The following UBE2O variants were observed in gnomAD, a reference collection of about 807,000 sequenced individuals.
UBE2O encodes the protein (E3-independent) E2 ubiquitin-conjugating enzyme.
Under a neutral mutation model 125.8 loss-of-function variants are expected in UBE2O, and 15 were observed. The ratio of observed to expected loss-of-function variants is 0.12; its 90% CI spans 0.08 to 0.18. The LOEUF is 0.18. Among genes scored for constraint, UBE2O ranks in the 10% least tolerant of loss-of-function variants. The pLI is 1.00. For synonymous variants in UBE2O, 708 were observed against 703.2 expected (o/e 1.01, Z -0.11); for missense variants, 1,280 against 1,723.6 (o/e 0.74, Z 4.56).
intron 1 of UBE2O, among the ~76,000 whole-genome samples, chr17:76,450,620 T>G (rs530424899): frequency 1.3e-5 from 2 of 151,406 alleles, no homozygotes; most frequent in Non-Finnish European, 2.9e-5. Context: ...AAGTTGTTGT[T>G]TTTTTTTTCT....
intron 1 of UBE2O, among the ~76,000 whole-genome samples, chr17:76,420,628 C>T (rs996342902): frequency 4.6e-5 from 7 of 152,138 alleles, no homozygotes; most frequent in Middle Eastern, 3.2e-3. Flanking sequence ...TACATCTTTG[C>T]GAGACAAACT....
rs548068347 is a variant in UBE2O at position 76,410,901 on chromosome 17, C to T, written c.418-5329G>A. Among the ~76,000 whole-genome samples, 37 of 152,346 alleles carry T rather than the reference C, an allele frequency of 2.4e-4. No individual in the cohort carries two copies. Among genetic ancestry groups the T allele is most frequent in the African/African-American group, 7.5e-4 (31 of 41,588 alleles). On this transcript the variant is annotated intron_variant, in intron 1 of 17. Coordinates refer to ENST00000319380, the MANE Select transcript of UBE2O (RefSeq NM_022066.4). The surrounding 1 kb of genome is among the most constrained non-coding windows in gnomAD (Gnocchi z 4.0). ...CTGGTCCAGACTCTCATTCATAACA[C>T]TGACCTTGACTGACCAGGTGGAATC... is the stretch of plus-strand genomic sequence containing the variant.
At chr17:76,434,732 G>A (rs1193754315) in intron 1 of UBE2O, among the ~76,000 whole-genome samples, 1 of 149,442 alleles carries the variant, frequency 6.7e-6, no homozygotes, top group Non-Finnish European at 1.5e-5. Context: ...GAGTGAAGTC[G>A]AAAGGCACCT....
chr17:76,409,473 T>G (rs144767720), intron 1 of UBE2O, among the ~76,000 whole-genome samples: 1,884 of 152,054 alleles, frequency 0.012, 24 homozygotes, highest in African/African-American at 0.043. Flanking sequence ...CTCAGCTCAC[T>G]GCAACCTCCG....
intron 1 of UBE2O, among the ~76,000 whole-genome samples, chr17:76,415,865 A>G (rs1381630612): frequency 1.3e-5 from 2 of 151,822 alleles, no homozygotes. Context: ...ATATATACAT[A>G]CATGTATATA....
intron 1 of UBE2O, among the ~76,000 whole-genome samples, chr17:76,412,061 G>A (rs1242999815): frequency 1.3e-5 from 2 of 152,162 alleles, no homozygotes; most frequent in Non-Finnish European, 2.9e-5. Flanking sequence ...TGCCCGCTGA[G>A]GCTTCACAGA....
chr17:76,399,830 T>C lies in UBE2O; in HGVS notation c.1247A>G (p.Asp416Gly), dbSNP rs2072285930. The stretch of plus-strand genomic sequence containing the variant: ...CTTGGTTTTGGATTCCCCCTTCTTG[T>C]CTGGGTCTTCCATGGAATGGTCCCG... ...CSRDHSMEDP[D>G]KKGESKTKSE... Residue 416 changes from aspartate to glycine, a missense_variant, in exon 9 of 18, where the codon GAC (aspartate) becomes GGC (glycine). Asp to Gly is a moderately conservative substitution (Grantham distance 94). This residue lies in a region of UBE2O where 141 missense variants were observed against 141.3 expected (regional missense o/e 1.00). Transcript: ENST00000319380. The surrounding 1 kb of genome is among the most constrained non-coding windows in gnomAD (Gnocchi z 6.9). 6.2e-7 allele frequency: 1 copy of C among 1,614,216 alleles called. No homozygotes were observed. The highest frequency in any genetic ancestry group is 1.3e-5 in the African/African-American group (1 of 75,066).
In UBE2O at chr17:76,402,675, C is replaced by A; in HGVS notation, c.613G>T (p.Ala205Ser). 1 of 1,614,150 alleles carries A rather than the reference C, an allele frequency of 6.2e-7. No individual in the cohort carries two copies. Among genetic ancestry groups the A allele is most frequent in the Admixed American group, 1.7e-5 (1 of 60,020 alleles). ...ACCTTCCCCAGCCAGCAGTCATAGGCAATGTAGTCCCCATACATGAAGGGC... is the reference window on the plus strand; with the variant it reads ...ACCTTCCCCAGCCAGCAGTCATAGGAAATGTAGTCCCCATACATGAAGGGC... ...IWPFMYGDYI[A>S]YDCWLGKVYD... The change falls in exon 4 of 18, where the codon GCC becomes TCC. Residue 205 changes from alanine (A) to serine (S), a missense_variant. Physicochemically the swap from Ala to Ser is moderately conservative, Grantham distance 99. This residue lies in a region of UBE2O where 206 missense variants were observed against 315.7 expected (regional missense o/e 0.65). Coordinates refer to ENST00000319380, the MANE Select transcript of UBE2O (RefSeq NM_022066.4). This position sits in a 1 kb window ranked among gnomAD's most constrained non-coding sequence, Gnocchi z 5.4.
rs2072204889 is a variant in UBE2O at position 76,396,155 on chromosome 17, C to A, written c.2782G>T (p.Val928Phe). The A allele has an allele frequency of 6.2e-7, 1 of 1,612,834 alleles. No individual in the cohort carries two copies. Among genetic ancestry groups the A allele is most frequent in the South Asian group, 1.1e-5 (1 of 90,926 alleles). ...GVTFTSAKGE[V>F]FSVLEFAPSN... ...GGTGCAAACTCCAGTACGGAGAAGA[C>A]CTCGCCCTTGGCGCTGGTGAAGGTG... Residue 928 changes from valine to phenylalanine, a missense_variant, in exon 14 of 18, where the codon GTC becomes TTC. Around this residue, in one of 10 missense-constraint regions of UBE2O, gnomAD observed 116 missense variants for 154.8 expected, o/e 0.75. Transcript: ENST00000319380. The surrounding 1 kb of genome is among the most constrained non-coding windows in gnomAD (Gnocchi z 6.7).
At position 76,424,347 on chromosome 17, in the gene UBE2O, T is replaced by C. The variant is rs915468373; in HGVS notation, c.418-18775A>G. ...TCTCAGCCTCCCCAGTAGCTGGGAT[T>C]ACAAGTGTGAGCCACCACACTCTGC... On this transcript the variant is annotated intron_variant, in intron 1 of 17. Transcript: ENST00000319380. 2.0e-5 allele frequency among the ~76,000 whole-genome samples: 3 copies of C among 151,486 alleles called. No homozygotes were observed. In the East Asian group the frequency reaches 5.9e-4, roughly 30 times the overall value.
intron 1 of UBE2O, among the ~76,000 whole-genome samples, chr17:76,447,474 A>T (rs2073169296): frequency 6.6e-6 from 1 of 152,208 alleles, no homozygotes. Flanking sequence ...CTTAAAATAT[A>T]AAGCAATACT....
intron 1 of UBE2O, among the ~76,000 whole-genome samples, chr17:76,411,864 G>T (rs761936362): frequency 6.6e-6 from 1 of 151,742 alleles, no homozygotes; most frequent in Non-Finnish European, 1.5e-5. Context: ...TATTTTTTTT[G>T]TAGAGACTGG....
In UBE2O at chr17:76,396,522, G is replaced by A. The variant is rs746518566; in HGVS notation, c.2415C>T (p.Asp805=). ...ACTCCCGGAAGCTCTTGGGTGGCCCGTCCTTGCCAGCCTTCTCCATCAGCC... is the reference window on the plus strand; with the variant it reads ...ACTCCCGGAAGCTCTTGGGTGGCCCATCCTTGCCAGCCTTCTCCATCAGCC... ...MAGLMEKAGK[D]GPPKSFRELK... Residue 805 remains aspartate, a synonymous_variant, in exon 14 of 18, where the codon GAC becomes GAT. Transcript: ENST00000319380. The surrounding 1 kb of genome is among the most constrained non-coding windows in gnomAD (Gnocchi z 6.7). The A allele has an allele frequency of 4.3e-5, 70 of 1,613,290 alleles. No individual in the cohort carries two copies. Among genetic ancestry groups the A allele is most frequent in the East Asian group, 8.9e-5 (4 of 44,878 alleles).
intron 1 of UBE2O, among the ~76,000 whole-genome samples, chr17:76,429,307 T>G (rs1045788699): frequency 3.3e-5 from 5 of 151,786 alleles, no homozygotes; most frequent in African/African-American, 9.7e-5. Context: ...TTTGTGAGGC[T>G]GAGGTGGGCA....
chr17:76,424,779 C>G (rs989704982), intron 1 of UBE2O, among the ~76,000 whole-genome samples: 3 of 151,470 alleles, frequency 2.0e-5, no homozygotes, highest in Non-Finnish European at 4.4e-5. Flanking sequence ...GATCGAGCCA[C>G]TGCACTCCAG....
Position 76,398,148 on chromosome 17 carries a change from G to T in UBE2O, c.2025+107C>A. 6.7e-7 allele frequency: 1 copy of T among 1,486,102 alleles called. No individual in the cohort carries two copies. The highest frequency in any genetic ancestry group is 9.3e-7 in the Non-Finnish European group (1 of 1,078,440). The allele number at this position is 1,486,102 out of a possible 1,614,324, so 92.1% of individuals were successfully genotyped here. A position where few individuals can be genotyped will look rare whatever the true frequency, so the allele number is the denominator to read the frequency against. On this transcript the variant is annotated intron_variant, in intron 12 of 17. Transcript: ENST00000319380. This position sits in a 1 kb window ranked among gnomAD's most constrained non-coding sequence, Gnocchi z 5.4. ...CCCTTCTGAGGACACTGAGCCCAGA[G>T]GACTTTCAGGTCTTGTCTCCTAGAG...
intron 15 of UBE2O, among the ~76,000 whole-genome samples, chr17:76,394,672 G>C (rs537587745): frequency 7.6e-4 from 116 of 152,136 alleles, no homozygotes; most frequent in Middle Eastern, 3.4e-3. Flanking sequence ...ATAAAAAAAA[G>C]GTCATCCGTT....
rs1429240912 is a variant in UBE2O at position 76,404,815 on chromosome 17, G to C, written c.588+391C>G. Among the ~76,000 whole-genome samples the C allele has an allele frequency of 2.0e-5, 3 of 152,120 alleles. 1 individual carries two copies. The East Asian group carries it at 5.8e-4, about 29-fold the overall frequency. Reference sequence around the variant, plus strand: ...AGGGAGGGAAGGTGATGGAGCAAACGAAGTGAAATCTTAACAGCTGAGGAA... The same window carrying C: ...AGGGAGGGAAGGTGATGGAGCAAACCAAGTGAAATCTTAACAGCTGAGGAA... On this transcript the variant is annotated intron_variant, in intron 3 of 17. Coordinates refer to ENST00000319380, the MANE Select transcript of UBE2O (RefSeq NM_022066.4). This position sits in a 1 kb window ranked among gnomAD's most constrained non-coding sequence, Gnocchi z 4.3.
intron 1 of UBE2O, among the ~76,000 whole-genome samples, chr17:76,427,314 T>C (rs1361290683): frequency 5.9e-5 from 9 of 152,364 alleles, no homozygotes; most frequent in Admixed American, 5.2e-4. Context: ...TAACTCAATG[T>C]TTTCACTCTA....
Sources: allele counts gnomAD v4.1 joint callset (sites outside exome capture counted in the v4.1 genomes callset), GRCh38; gene constraint gnomAD v4.1.1; regional missense constraint gnomAD v4.1.1; non-coding constraint Gnocchi (gnomAD v3.1); transcripts MANE v1.5; gene names NCBI Gene and HGNC (gene_info 2026-07-23, HGNC 2026-07-21).